The following AGL variants were observed in gnomAD, a reference collection of about 807,000 sequenced individuals.
AGL encodes glycogen debranching enzyme.
In AGL, 128 loss-of-function variants were observed where a neutral mutation model predicts 199.3. The ratio of observed to expected loss-of-function variants is 0.64; its 90% CI spans 0.56 to 0.74. The LOEUF (loss-of-function observed/expected upper bound fraction) is 0.74, where lower values mean the gene tolerates loss of function less well. Among genes scored for constraint, AGL ranks in the 30% least tolerant of loss-of-function variants. The pLI, the probability that AGL is intolerant of heterozygous loss-of-function variation, is 0.00. For synonymous variants in AGL, 584 were observed against 594.7 expected, an observed-to-expected ratio of 0.98 and a Z score of 0.26; for missense variants, 1,809 against 1,820.8, an observed-to-expected ratio of 0.99 and a Z score of 0.12.
rs755181585 is a variant in AGL at position 99,884,200 on chromosome 1, A to G, written c.2389A>G (p.Asn797Asp). The G allele has an allele frequency of 1.9e-6, 3 of 1,613,250 alleles. No homozygotes were observed. The highest frequency in any genetic ancestry group is 2.5e-6 in the Non-Finnish European group (3 of 1,179,368). Residue 797 changes from asparagine (N) to aspartate (D), a missense_variant, in exon 18 of 34, where the codon AAT becomes GAT. By Grantham distance (23) the Asn-to-Asp change is conservative (BLOSUM62 1). Coordinates refer to ENST00000361915, the MANE Select transcript of AGL (RefSeq NM_000642.3). ...TTATAGGAAGGATGAGAATTCAATCAATGGAACACCAGATATCACAGTAGA... is the reference window on the plus strand; with the variant it reads ...TTATAGGAAGGATGAGAATTCAATCGATGGAACACCAGATATCACAGTAGA... ...KPYRKDENSI[N>D]GTPDITVEIR...
rs79222466 is a variant in AGL at position 99,913,289 on chromosome 1, A to G, written c.3950-238A>G. On this transcript the variant is annotated intron_variant, in intron 29 of 33. Transcript: ENST00000361915. ...AAGATATTGTTTCAACATGTAATCA[A>G]TATAAAATTATTCATGAGCTATTTT... Among the ~76,000 whole-genome samples, 480 of 152,294 alleles carry G rather than the reference A, an allele frequency of 3.2e-3. 3 individuals are homozygous for G. Among genetic ancestry groups the G allele is most frequent in the African/African-American group, 0.011 (459 of 41,576 alleles).
intron 1 of AGL, 126 bp from the exon 2 acceptor site, chr1:99,850,849 G>A (rs1167008495): frequency 1.7e-5 from 11 of 632,864 alleles, no homozygotes; most frequent in African/African-American, 5.5e-5. Flanking sequence ...ATAGTTATAA[G>A]ATTCATTCTC....
chr1:99,887,881 A>G, intron 20 of AGL, 97 bp from the exon 21 acceptor site: 1 of 1,394,046 alleles, frequency 7.2e-7, no homozygotes, highest in Non-Finnish European at 1.0e-6. Context: ...TACACTGCTA[A>G]GACATTTTAT....
At chr1:99,884,782 G>A in intron 20 of AGL, 79 bp downstream of exon 20, 1 of 1,537,440 alleles carries the variant, frequency 6.5e-7, no homozygotes, top group Non-Finnish European at 9.0e-7. Context: ...AGTTTTAAGG[G>A]TCCTCTATAT....
chr1:99,893,895 A>G (rs190778914), intron 24 of AGL, among the ~76,000 whole-genome samples: 1 of 152,254 alleles, frequency 6.6e-6, no homozygotes, highest in Admixed American at 6.5e-5. Context: ...GTATTGCAAC[A>G]ACAGCAATTA....
chr1:99,851,000 CT>C lies in AGL; in HGVS notation c.-39del, dbSNP rs1557737346. On this transcript the variant is annotated 5_prime_UTR_variant, in exon 2 of 34. Transcript: ENST00000361915. ...GGGTAACTCATTCGACTGTGGAGTTCTTTTAATTCTTATGAAAGATTTCAAA... is the reference window on the plus strand; with the variant it reads ...GGGTAACTCATTCGACTGTGGAGTTCTTTAATTCTTATGAAAGATTTCAAA... 6.6e-7 allele frequency: 1 copy of C among 1,515,680 alleles called. No homozygotes were observed. Among genetic ancestry groups the C allele is most frequent in the Admixed American group, 1.7e-5 (1 of 59,884 alleles). 93.9% of individuals were successfully genotyped at this position (1,515,680 alleles called of 1,614,324 possible).
At position 99,870,502 on chromosome 1, in the gene AGL, G is replaced by A. The variant is rs200180652; in HGVS notation, c.767G>A (p.Arg256His). ...TGGGTCTTAGACAGAGCACTTTGGC[G>A]TTTCTCCTGTGATGTTGCAGAAGGG... ...PAWVLDRALW[R>H]FSCDVAEGKY... is the part of the protein sequence containing the mutation. The change falls in exon 6 of 34, where the codon CGT (arginine) becomes CAT (histidine). Residue 256 changes from arginine (R) to histidine (H), a missense_variant. Transcript: ENST00000361915. 7.6e-5 allele frequency: 122 copies of A among 1,613,988 alleles called. No individual in the cohort carries two copies. Among genetic ancestry groups the A allele is most frequent in the Non-Finnish European group, 9.4e-5 (111 of 1,179,958 alleles).
intron 24 of AGL, among the ~76,000 whole-genome samples, chr1:99,892,915 T>C (rs1234125809): frequency 3.3e-5 from 5 of 152,118 alleles, no homozygotes; most frequent in Non-Finnish European, 7.4e-5. Flanking sequence ...TTTCTATATT[T>C]TCCCCCAATT....
At chr1:99,872,884 A>G (rs1651144308) in intron 7 of AGL, among the ~76,000 whole-genome samples, 1 of 152,166 alleles carries the variant, frequency 6.6e-6, no homozygotes, top group Non-Finnish European at 1.5e-5. Context: ...TTGATTAGCT[A>G]TTTATATTTC....
intron 25 of AGL, among the ~76,000 whole-genome samples, chr1:99,899,376 TTCTG>T (rs1233131172): frequency 2.0e-5 from 3 of 152,168 alleles, no homozygotes; most frequent in Non-Finnish European, 4.4e-5. Flanking sequence ...TAGAGTGCCT[TTCTG>T]TCTTACAAAC....
chr1:99,849,810 C>G (rs564007940), upstream of AGL, among the ~76,000 whole-genome samples: 21 of 152,226 alleles, frequency 1.4e-4, no homozygotes, highest in Non-Finnish European at 2.8e-4. Flanking sequence ...GTCGTTTGCC[C>G]CTCACCATTC....
At chr1:99,915,295 T>G in intron 30 of AGL, 94 bp from the exon 31 acceptor site, 1 of 1,036,616 alleles carries the variant, frequency 9.6e-7, no homozygotes, top group Non-Finnish European at 1.5e-6. Flanking sequence ...GTATTTTAAG[T>G]AATTTTTTTC....
intron 2 of AGL, among the ~76,000 whole-genome samples, chr1:99,857,483 T>C (rs1339947419): frequency 2.0e-5 from 3 of 151,952 alleles, no homozygotes; most frequent in African/African-American, 4.8e-5. Flanking sequence ...GAGGTTGTAG[T>C]GAGCCGAGAT....
chr1:99,878,855 C>T (rs1365353834), intron 12 of AGL, among the ~76,000 whole-genome samples: 1 of 152,090 alleles, frequency 6.6e-6, no homozygotes, highest in African/African-American at 2.4e-5. Flanking sequence ...TTTTATTGTG[C>T]TTTTAGCAAT....
intron 33 of AGL, among the ~76,000 whole-genome samples, chr1:99,921,200 C>G (rs2100899903): frequency 6.6e-6 from 1 of 152,216 alleles, no homozygotes; most frequent in East Asian, 1.9e-4. Flanking sequence ...CATAACACAT[C>G]TGCATAATTA....
chr1:99,852,608 T>C (rs1649064072), intron 2 of AGL: 14 of 727,886 alleles, frequency 1.9e-5, no homozygotes, highest in South Asian at 1.8e-4. Context: ...ACTCCTGGAC[T>C]CAAGCAACCC....
chr1:99,859,012 ATGAGT>A (rs1649806762), intron 2 of AGL, among the ~76,000 whole-genome samples: 2 of 152,112 alleles, frequency 1.3e-5, no homozygotes, highest in African/African-American at 4.8e-5. Context: ...GAGATTTTAG[ATGAGT>A]TTTAACCTTT....
At position 99,892,435 on chromosome 1, in the gene AGL, TG is replaced by T; in HGVS notation, c.3088del (p.Val1030PhefsTer8). 6.2e-7 allele frequency: 1 copy of T among 1,613,450 alleles called. No homozygotes were observed. Among genetic ancestry groups the T allele is most frequent in the Non-Finnish European group, 8.5e-7 (1 of 1,179,542 alleles). On this transcript the variant is annotated frameshift_variant, in exon 24 of 34. Coordinates refer to ENST00000361915, the MANE Select transcript of AGL (RefSeq NM_000642.3). LOFTEE classifies it high-confidence loss of function. ...AATTCAATCACTTTTGTTACAGCTTTGTTCAGAATGGTTCAACCTTTGTGAA... is the reference window on the plus strand; with the variant it reads ...AATTCAATCACTTTTGTTACAGCTTTTTCAGAATGGTTCAACCTTTGTGAA... Reference protein sequence around the residue: ...DTAWKQMSSFVQNGSTFVKHL... With the variant: ...DTAWKQMSSFXQNGSTFVKHL...
rs1310988061 is a variant in AGL, at chr1:99,880,756, G to A, written c.1860G>A (p.Leu620=). The stretch of plus-strand genomic sequence containing the variant: ...TAATGCCAGCTATTGCACATGCCCT[G>A]TTTATGGATATTACGCATGATAATG... ...RPLMPAIAHA[L]FMDITHDNEC... The change falls in exon 14 of 34, where the codon CTG becomes CTA. Residue 620 remains leucine, a synonymous_variant. Transcript: ENST00000361915. 1 of 1,613,864 alleles carries A rather than the reference G, an allele frequency of 6.2e-7. No individual in the cohort carries two copies.
Sources: allele counts gnomAD v4.1 joint callset (sites outside exome capture counted in the v4.1 genomes callset), GRCh38; gene constraint gnomAD v4.1.1; transcripts MANE v1.5; gene names NCBI Gene and HGNC (gene_info 2026-07-23, HGNC 2026-07-21).